The following FLT1 variants were observed in gnomAD, a reference collection of about 807,000 sequenced individuals.
FLT1 encodes the protein vascular endothelial growth factor receptor 1.
FLT1 carries 49 observed loss-of-function variants against 156.3 expected under a neutral mutation model. The observed-to-expected ratio is 0.31, with a 90% CI of 0.25 to 0.40. The LOEUF is 0.40. Ranked by LOEUF, FLT1 falls within the 10% of genes least tolerant of loss-of-function variation. FLT1 has a pLI of 1.00. For missense variants in FLT1, 1,322 were observed against 1,637.2 expected (o/e 0.81, Z 3.32); for synonymous variants, 594 against 583.8 (o/e 1.02, Z -0.25).
chr13:28,465,839 A>AAAAC (rs10673633), intron 3 of FLT1, among the ~76,000 whole-genome samples: 8,041 of 152,018 alleles, frequency 0.053, 265 homozygotes, highest in South Asian at 0.11. Flanking sequence ...CCATCTCAAA[A>AAAAC]AAACAAACAA....
intron 3 of FLT1, among the ~76,000 whole-genome samples, chr13:28,451,025 A>G (rs1367394899): frequency 6.6e-6 from 1 of 152,216 alleles, no homozygotes; most frequent in Non-Finnish European, 1.5e-5. Context: ...CAACGGACTG[A>G]TGAAGACTCA....
intron 3 of FLT1, among the ~76,000 whole-genome samples, chr13:28,460,442 T>G (rs979270437): frequency 2.0e-5 from 3 of 152,146 alleles, no homozygotes; most frequent in African/African-American, 7.2e-5. Flanking sequence ...CAGGGCCTTG[T>G]GTGGAGTAGG....
At position 28,322,277 on chromosome 13, in the gene FLT1, G is replaced by T; in HGVS notation, c.3036C>A (p.Phe1012Leu). The change falls in exon 22 of 30, where the codon TTC (phenylalanine) becomes TTA (leucine). Residue 1012 changes from phenylalanine (F) to leucine (L), a missense_variant. Around this residue, in one of 3 missense-constraint regions of FLT1, gnomAD observed 991 missense variants for 1,254.8 expected, o/e 0.79. Transcript: ENST00000282397. This position sits in a 1 kb window ranked among gnomAD's most constrained non-coding sequence, Gnocchi z 4.3. The part of the protein sequence containing the change: ...YSFQVARGME[F>L]LSSRKCIHRD... ...CAAGACTGACCTTTCTGGAAGACAG[G>T]AACTCCATGCCTCTGGCCACTTGAA... is the stretch of plus-strand genomic sequence containing the variant. The T allele has an allele frequency of 6.2e-7, 1 of 1,607,570 alleles. No individual in the cohort carries two copies.
intron 14 of FLT1, among the ~76,000 whole-genome samples, chr13:28,378,927 C>T (rs138585227): frequency 0.017 from 2,574 of 152,238 alleles, 89 homozygotes; most frequent in Admixed American, 0.079. Flanking sequence ...AAAATAAACA[C>T]ATGTAACACC....
chr13:28,465,361 A>AAACAGAAT (rs1350334835), intron 3 of FLT1, among the ~76,000 whole-genome samples: 1 of 152,172 alleles, frequency 6.6e-6, no homozygotes, highest in Admixed American at 6.5e-5. Flanking sequence ...CAAAATGTCA[A>AAACAGAAT]AACAGAATTT....
At chr13:28,378,844 C>T (rs921522359) in intron 14 of FLT1, among the ~76,000 whole-genome samples, 2 of 152,070 alleles carry the variant, frequency 1.3e-5, no homozygotes, top group African/African-American at 4.8e-5. Context: ...TAACACGGTG[C>T]CTTGGTACCT....
intron 1 of FLT1, among the ~76,000 whole-genome samples, chr13:28,494,065 C>T (rs1881610469): frequency 6.6e-6 from 1 of 152,204 alleles, no homozygotes; most frequent in Non-Finnish European, 1.5e-5. Flanking sequence ...AGGCCCCACC[C>T]GGGTGGCTGA....
chr13:28,353,388 C>A (rs186044803), intron 15 of FLT1, among the ~76,000 whole-genome samples: 1 of 151,812 alleles, frequency 6.6e-6, no homozygotes, highest in African/African-American at 2.4e-5. Context: ...GCCTGGCCAA[C>A]GTGGTGAGAC....
chr13:28,330,735 A>C (rs1264496077), intron 18 of FLT1, among the ~76,000 whole-genome samples: 1 of 150,636 alleles, frequency 6.6e-6, no homozygotes, highest in African/African-American at 2.4e-5. Context: ...TTTTTTTGAG[A>C]CAGAGTCTCC....
At chr13:28,367,405 A>G (rs1478601996) in intron 14 of FLT1, among the ~76,000 whole-genome samples, 1 of 152,196 alleles carries the variant, frequency 6.6e-6, no homozygotes, top group Non-Finnish European at 1.5e-5. Context: ...GAGGATGTGG[A>G]TAAGTTTTTG....
At chr13:28,340,935 A>C (rs1175627546) in intron 16 of FLT1, among the ~76,000 whole-genome samples, 1 of 152,184 alleles carries the variant, frequency 6.6e-6, no homozygotes, top group East Asian at 1.9e-4. Context: ...GAAGAGTATG[A>C]ATTCCTATAA....
At chr13:28,317,404 T>G (rs1871251935) in intron 25 of FLT1, 94 bp downstream of exon 25, 1 of 847,776 alleles carries the variant, frequency 1.2e-6, no homozygotes, top group Admixed American at 1.7e-5. Context: ...CTTCCAAGAC[T>G]GGGACTCTAA....
chr13:28,490,568 A>G (rs1185975502), intron 1 of FLT1, among the ~76,000 whole-genome samples: 1 of 152,180 alleles, frequency 6.6e-6, no homozygotes, highest in African/African-American at 2.4e-5. Flanking sequence ...CAATTTCCAC[A>G]GCACCCAAGA....
At chr13:28,319,935 G>A (rs1871372465) in intron 23 of FLT1, among the ~76,000 whole-genome samples, 1 of 152,204 alleles carries the variant, frequency 6.6e-6, no homozygotes, top group Non-Finnish European at 1.5e-5. Context: ...TCCAAAGGAG[G>A]ATTTTGAAAG....
intron 10 of FLT1, among the ~76,000 whole-genome samples, chr13:28,418,146 C>T (rs558838810): frequency 4.6e-5 from 7 of 152,246 alleles, no homozygotes; most frequent in African/African-American, 1.7e-4. Context: ...CCACAATAAG[C>T]AGGCCCATTA....
At chr13:28,345,579 G>T in intron 15 of FLT1, 28 bp from the exon 16 acceptor site, 1 of 1,305,594 alleles carries the variant, frequency 7.7e-7, no homozygotes, top group Non-Finnish European at 1.1e-6. Context: ...CACAATAGTG[G>T]TGCAACAAAG....
At chr13:28,372,566 G>GTGTATATATATA (rs1555232432) in intron 14 of FLT1, among the ~76,000 whole-genome samples, 17 of 91,450 alleles carry the variant, frequency 1.9e-4, no homozygotes, top group African/African-American at 4.8e-4. Context: ...TAAATAAAAT[G>GTGTATATATATA]TATATATATA....
rs1290243021 is a variant in FLT1, at chr13:28,385,545, G to T, written c.1970-514C>A. The T allele has an allele frequency of 1.3e-5, 13 of 1,012,204 alleles. No individual in the cohort carries two copies. The South Asian group carries it at 1.4e-4, about 11-fold the overall frequency. The allele number at this position is 1,012,204 out of a possible 1,614,324, so 62.7% of individuals were successfully genotyped here. A position where few individuals can be genotyped will look rare whatever the true frequency, so the allele number is the denominator to read the frequency against. On this transcript the variant is annotated intron_variant, in intron 13 of 29. Transcript: ENST00000282397. ...TTGTAAGGCAGCAGACCAAACAGGA[G>T]AATTTCTTGAACTTTGAAAGCTTTA... is the stretch of plus-strand genomic sequence containing the variant.
chr13:28,354,317 T>C (rs1400890368), intron 15 of FLT1, among the ~76,000 whole-genome samples: 2 of 152,192 alleles, frequency 1.3e-5, no homozygotes, highest in Non-Finnish European at 2.9e-5. Context: ...ACTATTAACA[T>C]TCAAAATTTC....
Sources: allele counts gnomAD v4.1 joint callset (sites outside exome capture counted in the v4.1 genomes callset), GRCh38; gene constraint gnomAD v4.1.1; regional missense constraint gnomAD v4.1.1; non-coding constraint Gnocchi (gnomAD v3.1); transcripts MANE v1.5; gene names NCBI Gene and HGNC (gene_info 2026-07-23, HGNC 2026-07-21).